The following PCDHA7 variants were observed in gnomAD, a reference collection of about 807,000 sequenced individuals.
PCDHA7 encodes protocadherin alpha 7, also known as protocadherin alpha-7.
In PCDHA7, 37 loss-of-function variants were observed where a neutral mutation model predicts 57.2. The ratio of observed to expected loss-of-function variants is 0.65; its 90% confidence interval spans 0.50 to 0.85. The LOEUF is 0.85. Among genes scored for constraint, PCDHA7 ranks in the 40% least tolerant of loss-of-function variants. The pLI, the probability that PCDHA7 is intolerant of heterozygous loss-of-function variation, is 0.00. For missense variants in PCDHA7, 1,188 were observed against 1,241.8 expected, an observed-to-expected ratio of 0.96 and a Z score of 0.65; for synonymous variants, 553 against 558.8, an observed-to-expected ratio of 0.99 and a Z score of 0.15.
At chr5:140,926,713 C>G (rs1018008271) in intron 1 of PCDHA7, 16 of 944,684 alleles carry the variant, frequency 1.7e-5, no homozygotes, top group Non-Finnish European at 2.3e-5. Flanking sequence ...CTGGCCAGCC[C>G]CGGCAATGCC....
intron 3 of PCDHA7, among the ~76,000 whole-genome samples, chr5:141,000,389 CTCTCTCTATATA>C (rs1270729414): frequency 5.3e-4 from 33 of 62,572 alleles, no homozygotes; most frequent in African/African-American, 2.0e-3. Context: ...CTCTCTCTCT[CTCTCTCTATATA>C]TATATATATA....
In PCDHA7 at chr5:140,897,362, T is replaced by C. The variant is rs1395353589; in HGVS notation, c.2355+60624T>C. Among the ~76,000 whole-genome samples the C allele has an allele frequency of 2.5e-5, 3 of 120,464 alleles. No homozygotes were observed. The East Asian group carries it at 7.6e-4, about 30-fold the overall frequency. 79.0% of individuals were successfully genotyped at this position (120,464 alleles called of 152,430 possible). ...CCCCACCCCACAACTGTCCCCAGAG[T>C]GTGATGTTCCCTTCCCCTTCCTGTG... On this transcript the variant is annotated intron_variant, in intron 1 of 3. Coordinates refer to ENST00000525929, the MANE Select transcript of PCDHA7 (RefSeq NM_018910.3).
intron 1 of PCDHA7, chr5:140,876,999 G>C: frequency 6.2e-7 from 1 of 1,612,546 alleles, no homozygotes; most frequent in Non-Finnish European, 8.5e-7. Flanking sequence ...GCTACGTGTC[G>C]GTGCACGCGG....
intron 1 of PCDHA7, among the ~76,000 whole-genome samples, chr5:140,845,118 T>C (rs1779705774): frequency 6.7e-6 from 1 of 149,786 alleles, no homozygotes; most frequent in Non-Finnish European, 1.5e-5. Flanking sequence ...TGTCCATGTT[T>C]AGCATTTTAT....
At chr5:140,904,818 G>A (rs1186696681) in intron 1 of PCDHA7, among the ~76,000 whole-genome samples, 1 of 152,070 alleles carries the variant, frequency 6.6e-6, no homozygotes, top group Non-Finnish European at 1.5e-5. Flanking sequence ...GTGATGTTGA[G>A]CATTTTTTTA....
At chr5:140,976,833 C>T (rs2096733011) in intron 1 of PCDHA7, among the ~76,000 whole-genome samples, 1 of 152,140 alleles carries the variant, frequency 6.6e-6, no homozygotes, top group Non-Finnish European at 1.5e-5. Flanking sequence ...ATGAGCAAAA[C>T]AGATATAATC....
intron 1 of PCDHA7, chr5:140,875,985 G>A (rs1351463699): frequency 4.3e-6 from 7 of 1,613,830 alleles, no homozygotes; most frequent in South Asian, 1.1e-5. Flanking sequence ...TGACCTATGC[G>A]TTAAGTCTAA....
chr5:140,973,894 G>A (rs1161980569), intron 1 of PCDHA7, among the ~76,000 whole-genome samples: 1 of 152,194 alleles, frequency 6.6e-6, no homozygotes, highest in African/African-American at 2.4e-5. Flanking sequence ...ATTTGCAAAT[G>A]TTTGAGGAAA....
rs2096146085 is a variant in PCDHA7 at position 140,967,476 on chromosome 5, G to T, written c.2356-11473G>T. ...GCCGTGGATGGGGGCATCCCAGCCC[G>T]CTCGGGTACGGCACAGATCTCTGTG... On this transcript the variant is annotated intron_variant, in intron 1 of 3. Transcript: ENST00000525929. The T allele has an allele frequency of 6.2e-7, 1 of 1,613,324 alleles. No individual in the cohort carries two copies. The highest frequency in any genetic ancestry group is 1.3e-5 in the African/African-American group (1 of 75,056).
chr5:140,883,506 T>A (rs782204819), intron 1 of PCDHA7: 1 of 1,614,078 alleles, frequency 6.2e-7, no homozygotes, highest in Non-Finnish European at 8.5e-7. Context: ...GACAGCGCCC[T>A]GGACCGCGAG....
intron 1 of PCDHA7, among the ~76,000 whole-genome samples, chr5:140,846,908 T>C (rs991688618): frequency 6.7e-6 from 1 of 149,590 alleles, no homozygotes; most frequent in Admixed American, 6.7e-5. Flanking sequence ...TGAAAGACAA[T>C]CATTTCCTAT....
intron 1 of PCDHA7, among the ~76,000 whole-genome samples, chr5:140,964,891 G>A (rs76642459): frequency 0.016 from 2,494 of 152,302 alleles, 68 homozygotes; most frequent in African/African-American, 0.056. Context: ...AGTGATAGGA[G>A]GCTGGGCGCT....
intron 1 of PCDHA7, chr5:140,870,988 G>T: frequency 6.2e-7 from 1 of 1,613,492 alleles, no homozygotes; most frequent in Non-Finnish European, 8.5e-7. Flanking sequence ...GTACACGGGC[G>T]AGATAAGCAC....
Position 140,883,261 on chromosome 5 carries a change from G to A in PCDHA7, c.2355+46523G>A, listed in dbSNP as rs148578758. The A allele has an allele frequency of 8.1e-5, 131 of 1,613,912 alleles. No individual in the cohort carries two copies. In the African/African-American group the frequency reaches 1.7e-3, roughly 21 times the overall value. On this transcript the variant is annotated intron_variant, in intron 1 of 3. Transcript: ENST00000525929. Reference sequence around the variant, plus strand: ...TTGACAAAGGAAATATTCCAATGGCGGGTCATTGTACCCTTTTGGTGGAAG... The same window carrying A: ...TTGACAAAGGAAATATTCCAATGGCAGGTCATTGTACCCTTTTGGTGGAAG...
intron 1 of PCDHA7, among the ~76,000 whole-genome samples, chr5:140,903,855 AAT>A (rs2070667296): frequency 6.6e-6 from 1 of 152,186 alleles, no homozygotes; most frequent in Non-Finnish European, 1.5e-5. Context: ...CTTAACAAAT[AAT>A]ATAGAGTAAA....
chr5:141,000,926 G>T (rs1554257936), intron 3 of PCDHA7, among the ~76,000 whole-genome samples: 1 of 151,956 alleles, frequency 6.6e-6, no homozygotes, highest in Non-Finnish European at 1.5e-5. Flanking sequence ...AAAATCCTGT[G>T]TGATTTAGGA....
At chr5:140,913,862 T>G (rs1554196081) in intron 1 of PCDHA7, among the ~76,000 whole-genome samples, 1 of 152,218 alleles carries the variant, frequency 6.6e-6, no homozygotes, top group African/African-American at 2.4e-5. Flanking sequence ...GCATATTGTT[T>G]AATTTCCATG....
At chr5:140,941,629 A>G (rs965702759) in intron 1 of PCDHA7, among the ~76,000 whole-genome samples, 12 of 151,584 alleles carry the variant, frequency 7.9e-5, no homozygotes, top group African/African-American at 2.9e-4. Context: ...CTGCTTCTTA[A>G]TTTCTGTCTT....
intron 1 of PCDHA7, chr5:140,847,393 A>G (rs997317821): frequency 1.3e-5 from 2 of 149,740 alleles, no homozygotes; most frequent in African/African-American, 4.9e-5. Context: ...AAAAACATTA[A>G]TGGCACAATA....
Sources: gnomAD v4.1 joint callset for allele counts (sites outside exome capture counted in the v4.1 genomes callset) on GRCh38, gnomAD v4.1.1 for gene constraint, MANE v1.5 for transcripts, NCBI Gene and HGNC (gene_info 2026-07-23, HGNC 2026-07-21) for gene names.